BCAS2: variants seen among roughly 807,000 people sequenced by gnomAD.
BCAS2 encodes the protein pre-mRNA-splicing factor SPF27.
A neutral mutation model predicts 35.3 loss-of-function variants in BCAS2; 34 were observed. The ratio of observed to expected loss-of-function variants is 0.96; its 90% confidence interval spans 0.73 to 1.28. The LOEUF (loss-of-function observed/expected upper bound fraction) is 1.28, where lower values mean the gene tolerates loss of function less well. Among genes scored for constraint, BCAS2 ranks in the 50% most tolerant of loss-of-function variants. The pLI is 0.00. For missense variants in BCAS2, 221 were observed against 268.1 expected (o/e 0.82, Z 1.23); for synonymous variants, 75 against 91.6 (o/e 0.82, Z 1.03).
chr1:114,579,737 G>T (rs1040542739), intron 2 of BCAS2, among the ~76,000 whole-genome samples: 1 of 151,914 alleles, frequency 6.6e-6, no homozygotes, highest in African/African-American at 2.4e-5. Flanking sequence ...ATGGTGGCAG[G>T]CACCTGCAAT....
At position 114,568,101 on chromosome 1, in the gene BCAS2, A is replaced by G. The variant is rs546286489; in HGVS notation, c.*29T>C. The G allele has an allele frequency of 3.8e-5, 62 of 1,611,164 alleles. 1 individual carries two copies. The South Asian group carries it at 5.1e-4, about 13-fold the overall frequency. On this transcript the variant is annotated 3_prime_UTR_variant, in exon 7 of 7. Transcript: ENST00000369541. The stretch of plus-strand genomic sequence containing the variant: ...TTCAGATGCCTTTTGTGAAAGCCCA[A>G]CTTTTCTTCTACCTGCTAAATTGTC...
chr1:114,573,968 A>G (rs143575164), intron 4 of BCAS2, among the ~76,000 whole-genome samples: 20 of 152,292 alleles, frequency 1.3e-4, no homozygotes, highest in African/African-American at 4.8e-4. Context: ...AGTTGTACAT[A>G]CTGTTATGAA....
At chr1:114,568,642 C>G (rs956420603) in intron 6 of BCAS2, among the ~76,000 whole-genome samples, 7 of 151,324 alleles carry the variant, frequency 4.6e-5, no homozygotes, top group Non-Finnish European at 1.0e-4. Context: ...GCTGGGATTA[C>G]AGGCATGAGC....
intron 3 of BCAS2, 55 bp from the exon 4 acceptor site, chr1:114,575,806 T>C: frequency 6.4e-7 from 1 of 1,569,638 alleles, no homozygotes; most frequent in Non-Finnish European, 8.7e-7. Context: ...AGCCTTTACA[T>C]CTCTTCTCAG....
intron 4 of BCAS2, among the ~76,000 whole-genome samples, chr1:114,571,835 T>C (rs752316372): frequency 6.6e-6 from 1 of 152,198 alleles, no homozygotes; most frequent in Non-Finnish European, 1.5e-5. Context: ...AAAACTGTTG[T>C]AGAATGAGAT....
chr1:114,572,482 C>T (rs771095649), intron 4 of BCAS2, among the ~76,000 whole-genome samples: 1 of 152,248 alleles, frequency 6.6e-6, no homozygotes, highest in Non-Finnish European at 1.5e-5. Flanking sequence ...GGAGAAGTGT[C>T]CACTGAATTT....
intron 2 of BCAS2, among the ~76,000 whole-genome samples, chr1:114,579,838 C>G (rs1023650187): frequency 1.7e-4 from 26 of 152,190 alleles, no homozygotes; most frequent in African/African-American, 7.2e-5. Flanking sequence ...TGCACTCCAG[C>G]CTGGGTGACG....
chr1:114,570,036 GTTCT>G lies in BCAS2; in HGVS notation c.503_506del (p.Lys168ThrfsTer10), dbSNP rs1654607188. The G allele has an allele frequency of 3.1e-6, 5 of 1,611,720 alleles. No homozygotes were observed. The highest frequency in any genetic ancestry group is 4.2e-6 in the Non-Finnish European group (5 of 1,178,128). ...ATTTAGATCCAGCTGTGAGTTGCAT[GTTCT>G]TTCTCTGCCAGTTTAAATCTTGAAT... On this transcript the variant is annotated frameshift_variant, in exon 6 of 7. Coordinates refer to ENST00000369541, the MANE Select transcript of BCAS2 (RefSeq NM_005872.3). LOFTEE classifies it high-confidence loss of function.
rs150592763 is a variant in BCAS2, at chr1:114,575,808, T to C, written c.258-57A>G. The C allele has an allele frequency of 3.2e-6, 5 of 1,560,688 alleles. No homozygotes were observed. The East Asian group carries it at 1.1e-4, about 35-fold the overall frequency. ...ATCTATACTGCCAAGCCTTTACATCTCTTCTCAGTAGAATGTCCCATGAGT... is the reference window on the plus strand; with the variant it reads ...ATCTATACTGCCAAGCCTTTACATCCCTTCTCAGTAGAATGTCCCATGAGT... On this transcript the variant is annotated intron_variant, in intron 3 of 6. Coordinates refer to ENST00000369541, the MANE Select transcript of BCAS2 (RefSeq NM_005872.3).
chr1:114,581,522 CATA>C lies in BCAS2; in HGVS notation c.67_69del (p.Tyr23del). ...ACCGCTTCCCGCACACCAGGGGCTT[CATA>C]ACCTTGATCAAAATACGGCAGCGCA... On this transcript the variant is annotated inframe_deletion, in exon 1 of 7. Coordinates refer to ENST00000369541, the MANE Select transcript of BCAS2 (RefSeq NM_005872.3). 6.2e-7 allele frequency: 1 copy of C among 1,614,166 alleles called. No homozygotes were observed. The highest frequency in any genetic ancestry group is 8.5e-7 in the Non-Finnish European group (1 of 1,180,046).
intron 2 of BCAS2, among the ~76,000 whole-genome samples, chr1:114,578,577 G>A (rs1175419263): frequency 6.6e-6 from 1 of 152,208 alleles, no homozygotes; most frequent in Non-Finnish European, 1.5e-5. Context: ...TGCTCATGGA[G>A]TAGTCTCATC....
intron 4 of BCAS2, among the ~76,000 whole-genome samples, chr1:114,575,356 T>A (rs1206412725): frequency 1.8e-5 from 2 of 111,586 alleles, no homozygotes; most frequent in Non-Finnish European, 4.0e-5. Flanking sequence ...CCCAGCTAAT[T>A]TTTTGTATTT....
intron 6 of BCAS2, among the ~76,000 whole-genome samples, 156 bp from the exon 7 acceptor site, chr1:114,568,412 G>A (rs551827103): frequency 2.1e-4 from 32 of 150,810 alleles, no homozygotes; most frequent in South Asian, 2.1e-3. Context: ...TGTTGCCCAG[G>A]CTGGAGAACA....
At chr1:114,570,847 G>A (rs1460289289) in intron 4 of BCAS2, 97 bp from the exon 5 acceptor site, 10 of 839,904 alleles carry the variant, frequency 1.2e-5, no homozygotes, top group Non-Finnish European at 1.9e-5. Flanking sequence ...CATATTTATG[G>A]AGCTCTGTGC....
intron 4 of BCAS2, among the ~76,000 whole-genome samples, chr1:114,571,130 A>C (rs1654631568): frequency 1.3e-5 from 2 of 151,502 alleles, no homozygotes; most frequent in African/African-American, 4.9e-5. Context: ...ATCTCAGCTC[A>C]CTGCAGCCTC....
chr1:114,581,520 T>G lies in BCAS2; in HGVS notation c.72A>C (p.Glu24Asp). 6.2e-7 allele frequency: 1 copy of G among 1,614,140 alleles called. No homozygotes were observed. Among genetic ancestry groups the G allele is most frequent in the Non-Finnish European group, 8.5e-7 (1 of 1,180,024 alleles). Reference sequence around the variant, plus strand: ...TCACCGCTTCCCGCACACCAGGGGCTTCATAACCTTGATCAAAATACGGCA... The same window carrying G: ...TCACCGCTTCCCGCACACCAGGGGCGTCATAACCTTGATCAAAATACGGCA... ...DALPYFDQGY[E>D]APGVREAAAA... Residue 24 changes from glutamate to aspartate, a missense_variant, in exon 1 of 7, where the codon GAA becomes GAC. By Grantham distance (45) the Glu-to-Asp change is conservative. Transcript: ENST00000369541.
intron 4 of BCAS2, among the ~76,000 whole-genome samples, chr1:114,571,440 C>T (rs1557930367): frequency 6.6e-6 from 1 of 152,080 alleles, no homozygotes. Flanking sequence ...ATGGCAGCCT[C>T]AACCTCCTGG....
intron 4 of BCAS2, among the ~76,000 whole-genome samples, chr1:114,575,206 G>C (rs1402932414): frequency 5.0e-5 from 4 of 79,722 alleles, no homozygotes; most frequent in African/African-American, 1.9e-4. Flanking sequence ...TTTTTTTTTT[G>C]AGATAGAGTC....
At chr1:114,570,679 T>C (rs1369668023) in intron 5 of BCAS2, 21 bp downstream of exon 5, 1 of 1,534,128 alleles carries the variant, frequency 6.5e-7, no homozygotes, top group South Asian at 1.2e-5. Context: ...CTTCATTCTG[T>C]AATAGGAAAA....
Sources: allele counts gnomAD v4.1 joint callset (sites outside exome capture counted in the v4.1 genomes callset), GRCh38; gene constraint gnomAD v4.1.1; transcripts MANE v1.5; gene names NCBI Gene and HGNC (gene_info 2026-07-23, HGNC 2026-07-21).